Variants in COL26A1 observed in about 807,000 individuals in gnomAD.
COL26A1 encodes collagen alpha-1(XXVI) chain.
A neutral mutation model predicts 59.3 loss-of-function variants in COL26A1; 41 were observed. The ratio of observed to expected loss-of-function variants is 0.69; its 90% CI spans 0.54 to 0.90. The LOEUF is 0.90. COL26A1 is among the 40% of genes least tolerant of loss of function. The pLI, the probability that COL26A1 is intolerant of heterozygous loss-of-function variation, is 0.00. For missense variants in COL26A1, 612 were observed against 602.3 expected, an observed-to-expected ratio of 1.02 and a Z score of -0.17; for synonymous variants, 266 against 256.0, an observed-to-expected ratio of 1.04 and a Z score of -0.37.
intron 3 of COL26A1, among the ~76,000 whole-genome samples, chr7:101,476,613 T>C (rs1794052938): frequency 1.3e-5 from 2 of 151,718 alleles, no homozygotes; most frequent in African/African-American, 2.4e-5. Flanking sequence ...AGTGGCATGA[T>C]CTCGGCTCAC....
chr7:101,537,446 G>A (rs758702988), intron 4 of COL26A1, among the ~76,000 whole-genome samples: 27 of 152,226 alleles, frequency 1.8e-4, no homozygotes, highest in Non-Finnish European at 3.4e-4. Context: ...CCCGAAGGCC[G>A]TGGCCTGGTT....
intron 2 of COL26A1, among the ~76,000 whole-genome samples, chr7:101,438,978 C>G (rs1020480623): frequency 8.5e-5 from 13 of 152,158 alleles, no homozygotes; most frequent in African/African-American, 3.1e-4. Flanking sequence ...GCGCCCAGCC[C>G]CCTTTCTTTC....
intron 2 of COL26A1, among the ~76,000 whole-genome samples, chr7:101,424,213 T>G (rs1196962096): frequency 6.6e-6 from 1 of 151,198 alleles, no homozygotes; most frequent in Non-Finnish European, 1.5e-5. Context: ...AATAAATAAA[T>G]AAATACAATA....
At chr7:101,514,324 TGA>T (rs1193624888) in intron 3 of COL26A1, among the ~76,000 whole-genome samples, 2 of 151,428 alleles carry the variant, frequency 1.3e-5, no homozygotes, top group Non-Finnish European at 2.9e-5. Context: ...GGTGACAGAG[TGA>T]GACCCTGTCT....
At chr7:101,465,103 C>T (rs564936498) in intron 3 of COL26A1, among the ~76,000 whole-genome samples, 12 of 146,884 alleles carry the variant, frequency 8.2e-5, no homozygotes, top group African/African-American at 3.0e-4. Flanking sequence ...GGTAGTGCGA[C>T]GATAGCTCAC....
chr7:101,453,280 T>C (rs1191894473), intron 3 of COL26A1, among the ~76,000 whole-genome samples: 1 of 152,120 alleles, frequency 6.6e-6, no homozygotes, highest in Non-Finnish European at 1.5e-5. Context: ...GGCAGGAGAA[T>C]CACTTGAACC....
chr7:101,371,016 C>T (rs951257847), intron 1 of COL26A1, among the ~76,000 whole-genome samples: 29 of 152,314 alleles, frequency 1.9e-4, no homozygotes, highest in South Asian at 8.3e-4. Flanking sequence ...TCATTTACTC[C>T]CTACAGGAGT....
At chr7:101,552,176 C>T (rs1474828187) in intron 10 of COL26A1, among the ~76,000 whole-genome samples, 4 of 152,152 alleles carry the variant, frequency 2.6e-5, no homozygotes, top group African/African-American at 7.2e-5. Context: ...GCTCATTGTC[C>T]CTATTGATTA....
At chr7:101,376,290 G>C (rs1404833506) in intron 1 of COL26A1, among the ~76,000 whole-genome samples, 1 of 152,140 alleles carries the variant, frequency 6.6e-6, no homozygotes, top group Non-Finnish European at 1.5e-5. Flanking sequence ...GTGGGTGACA[G>C]AGTGAGACCC....
Position 101,470,203 on chromosome 7 carries a change from G to A in COL26A1, c.385+22416G>A, listed in dbSNP as rs1380242475. On this transcript the variant is annotated intron_variant, in intron 3 of 12. Transcript: ENST00000313669. ...CAACCTCTGCCTCCCAGGTTCAAGC[G>A]ATTCTACTGCCTCAGCCTCCTGAAT... 4.6e-5 allele frequency among the ~76,000 whole-genome samples: 7 copies of A among 151,584 alleles called. No homozygotes were observed. In the East Asian group the frequency reaches 5.9e-4, roughly 13 times the overall value.
At chr7:101,505,371 T>A (rs1426543585) in intron 3 of COL26A1, among the ~76,000 whole-genome samples, 2 of 152,140 alleles carry the variant, frequency 1.3e-5, no homozygotes, top group Non-Finnish European at 2.9e-5. Context: ...GGTGTGTGCA[T>A]GAGTATGACC....
At chr7:101,499,243 T>G (rs555388931) in intron 3 of COL26A1, among the ~76,000 whole-genome samples, 4 of 152,258 alleles carry the variant, frequency 2.6e-5, no homozygotes, top group Non-Finnish European at 5.9e-5. Context: ...GGACTCTTGA[T>G]TTAAAGCTGA....
intron 4 of COL26A1, among the ~76,000 whole-genome samples, chr7:101,538,348 G>C (rs1483467148): frequency 6.6e-6 from 1 of 152,220 alleles, no homozygotes; most frequent in Non-Finnish European, 1.5e-5. Flanking sequence ...AAGCTCAGCC[G>C]GGGTTGAGAC....
At position 101,362,876 on chromosome 7, in the gene COL26A1, C is replaced by T. The variant is rs1356723014; in HGVS notation, c.-157C>T. Reference sequence around the variant, plus strand: ...AGGCGGCCCCGGAGAGGCGTGGGCGCCCCCCACACATTTCCAGCTCGCACC... The same window carrying T: ...AGGCGGCCCCGGAGAGGCGTGGGCGTCCCCCACACATTTCCAGCTCGCACC... On this transcript the variant is annotated 5_prime_UTR_variant, in exon 1 of 13. Transcript: ENST00000313669. 2.9e-6 allele frequency: 2 copies of T among 682,976 alleles called. No homozygotes were observed. Among genetic ancestry groups the T allele is most frequent in the Non-Finnish European group, 4.6e-6 (2 of 435,928 alleles). The allele number at this position is 682,976 out of a possible 1,614,324, so 42.3% of individuals were successfully genotyped here. A position where few individuals can be genotyped will look rare whatever the true frequency, so the allele number is the denominator to read the frequency against.
intron 4 of COL26A1, among the ~76,000 whole-genome samples, chr7:101,538,093 G>A (rs1019072931): frequency 6.6e-6 from 1 of 152,068 alleles, no homozygotes; most frequent in African/African-American, 2.4e-5. Context: ...AGGGCCTGAC[G>A]CTCCTCCAAA....
At chr7:101,506,584 C>T (rs1794816807) in intron 3 of COL26A1, among the ~76,000 whole-genome samples, 2 of 152,174 alleles carry the variant, frequency 1.3e-5, no homozygotes, top group Admixed American at 1.3e-4. Context: ...TCCCGGGTAC[C>T]AGCCCTGAGC....
intron 11 of COL26A1, among the ~76,000 whole-genome samples, chr7:101,555,215 G>A (rs936304073): frequency 2.6e-5 from 4 of 152,080 alleles, no homozygotes; most frequent in Non-Finnish European, 5.9e-5. Context: ...TGCAGACCGG[G>A]CCCTTGAAAT....
Position 101,533,278 on chromosome 7 carries a change from T to C in COL26A1, c.447+135T>C. 3 of 686,748 alleles carry C rather than the reference T, an allele frequency of 4.4e-6. No homozygotes were observed. In the Admixed American group the frequency reaches 6.8e-5, roughly 15 times the overall value. The allele number at this position is 686,748 out of a possible 1,614,324, so 42.5% of individuals were successfully genotyped here. On this transcript the variant is annotated intron_variant, in intron 4 of 12. Transcript: ENST00000313669. ...TTTCCAAGCAGGCTTGGACAGCCGG[T>C]CCCAGGTACTGGGTACTGTTCAGGC...
chr7:101,447,574 G>T, intron 2 of COL26A1, 110 bp from the exon 3 acceptor site: 2 of 700,002 alleles, frequency 2.9e-6, no homozygotes, highest in Admixed American at 2.4e-5. Context: ...CGCCATGGGG[G>T]CCTCCCGGAG....
Sources: allele counts gnomAD v4.1 joint callset (sites outside exome capture counted in the v4.1 genomes callset), GRCh38; gene constraint gnomAD v4.1.1; transcripts MANE v1.5; gene names NCBI Gene and HGNC (gene_info 2026-07-23, HGNC 2026-07-21).